TTC33: variants seen among roughly 807,000 people sequenced by gnomAD.
TTC33 encodes tetratricopeptide repeat protein 33.
TTC33 carries 24 observed loss-of-function variants against 29.4 expected under a neutral mutation model. The ratio of observed to expected loss-of-function variants is 0.82; its 90% CI spans 0.59 to 1.15. TTC33 has a LOEUF of 1.15. Among genes scored for constraint, TTC33 ranks in the 50% most tolerant of loss-of-function variants. The pLI is 0.00. For missense variants in TTC33, 286 were observed against 310.4 expected (o/e 0.92, Z 0.59); for synonymous variants, 107 against 100.3 (o/e 1.07, Z -0.40).
rs200959113 is a variant in TTC33 at position 40,732,611 on chromosome 5, A to AT, written c.222-2269dup. Among the ~76,000 whole-genome samples, 327 of 151,212 alleles carry AT rather than the reference A, an allele frequency of 2.2e-3. 1 individual carries two copies. In the East Asian group the frequency reaches 0.026, roughly 12 times the overall value. ...AATGTAGAAGGTACTAATATAACAG[A>AT]TTTTTTTTTAGACAGTCTTGCTCTG... is the stretch of plus-strand genomic sequence containing the variant. On this transcript the variant is annotated intron_variant, in intron 2 of 4. Transcript: ENST00000337702.
chr5:40,716,571 C>T (rs1001946512), intron 4 of TTC33, 73 bp from the exon 5 acceptor site: 28 of 963,878 alleles, frequency 2.9e-5, no homozygotes, highest in African/African-American at 1.3e-4. Context: ...TGTGTGTTTA[C>T]GTACATATAT....
intron 2 of TTC33, among the ~76,000 whole-genome samples, chr5:40,739,932 G>C (rs1014419756): frequency 9.2e-5 from 14 of 151,762 alleles, no homozygotes; most frequent in Non-Finnish European, 2.9e-5. Context: ...TACTACAAAT[G>C]GTGCTTTTTT....
At position 40,715,100 on chromosome 5, in the gene TTC33, TAA is replaced by T. The variant is rs1741972236; in HGVS notation, c.*1043_*1044del. 6.6e-6 allele frequency: 1 copy of T among 152,104 alleles called. No homozygotes were observed. Among genetic ancestry groups the T allele is most frequent in the Admixed American group, 6.5e-5 (1 of 15,268 alleles). The allele number at this position is 152,104 out of a possible 1,614,324, so 9.4% of individuals were successfully genotyped here. ...TTCCAATTTCTATGTATTTTGTGCTTAAGTTATTTATTCATTGGCACTCTAAT... is the reference window on the plus strand; with the variant it reads ...TTCCAATTTCTATGTATTTTGTGCTTGTTATTTATTCATTGGCACTCTAAT... On this transcript the variant is annotated 3_prime_UTR_variant, in exon 5 of 5. Transcript: ENST00000337702.
At chr5:40,738,701 C>T (rs912712383) in intron 2 of TTC33, among the ~76,000 whole-genome samples, 3 of 151,946 alleles carry the variant, frequency 2.0e-5, no homozygotes, top group Admixed American at 6.6e-5. Context: ...CATATCTTTG[C>T]CAACACTTGA....
chr5:40,741,931 G>A (rs1742704148), intron 2 of TTC33, among the ~76,000 whole-genome samples: 1 of 152,142 alleles, frequency 6.6e-6, no homozygotes, highest in African/African-American at 2.4e-5. Context: ...AGAGGTTACA[G>A]TGAGCCGAGA....
chr5:40,738,605 A>AAAATAAAATT (rs1742624287), intron 2 of TTC33, among the ~76,000 whole-genome samples: 5 of 150,798 alleles, frequency 3.3e-5, no homozygotes, highest in South Asian at 2.1e-4. Flanking sequence ...AAAATAAAAT[A>AAAATAAAATT]AAAAAGTGAA....
intron 2 of TTC33, among the ~76,000 whole-genome samples, chr5:40,744,949 C>G (rs555358870): frequency 6.6e-6 from 1 of 152,096 alleles, no homozygotes; most frequent in Non-Finnish European, 1.5e-5. Flanking sequence ...ATGTTACCTA[C>G]GACATATACT....
chr5:40,726,462 CTTTT>C (rs913016790), intron 4 of TTC33, among the ~76,000 whole-genome samples: 1 of 146,402 alleles, frequency 6.8e-6, no homozygotes, highest in African/African-American at 2.5e-5. Flanking sequence ...TTTGAGTCAT[CTTTT>C]TTTTTTACCA....
chr5:40,748,529 G>T (rs1485807627), intron 1 of TTC33, among the ~76,000 whole-genome samples: 1 of 152,058 alleles, frequency 6.6e-6, no homozygotes, highest in African/African-American at 2.4e-5. Flanking sequence ...TGTGATAATG[G>T]TATTGTAATT....
At chr5:40,725,172 A>C (rs1342968070) in intron 4 of TTC33, among the ~76,000 whole-genome samples, 1 of 148,302 alleles carries the variant, frequency 6.7e-6, no homozygotes, top group East Asian at 2.0e-4. Context: ...TTTTTTTGTA[A>C]ATATAGGATC....
At chr5:40,726,774 C>T (rs1374702995) in intron 4 of TTC33, among the ~76,000 whole-genome samples, 2 of 151,930 alleles carry the variant, frequency 1.3e-5, no homozygotes, top group Admixed American at 6.6e-5. Context: ...AGATTTGTTC[C>T]ATTACCATAG....
chr5:40,748,551 A>G (rs948546008), intron 1 of TTC33, among the ~76,000 whole-genome samples: 2 of 152,214 alleles, frequency 1.3e-5, no homozygotes, highest in South Asian at 2.1e-4. Flanking sequence ...TGCTTACAAA[A>G]GGAACCCCTA....
intron 1 of TTC33, among the ~76,000 whole-genome samples, chr5:40,749,722 T>A (rs1742859114): frequency 6.6e-6 from 1 of 152,200 alleles, no homozygotes; most frequent in African/African-American, 2.4e-5. Flanking sequence ...TGCTTTGGTC[T>A]CCCTATGCAT....
At chr5:40,717,775 C>T (rs1033036581) in intron 4 of TTC33, among the ~76,000 whole-genome samples, 4 of 152,162 alleles carry the variant, frequency 2.6e-5, no homozygotes, top group Non-Finnish European at 4.4e-5. Context: ...TAAGATTGCA[C>T]TTAATCGGCC....
intron 1 of TTC33, among the ~76,000 whole-genome samples, chr5:40,751,189 T>C (rs1742888415): frequency 2.0e-5 from 3 of 152,230 alleles, no homozygotes; most frequent in Non-Finnish European, 2.9e-5. Context: ...ATTTCTTCAA[T>C]AGTAAGACTT....
chr5:40,724,606 C>T (rs896824161), intron 4 of TTC33, among the ~76,000 whole-genome samples: 2 of 151,744 alleles, frequency 1.3e-5, no homozygotes, highest in South Asian at 4.1e-4. Context: ...GCACTCCAGC[C>T]TGGGGAACAG....
At position 40,715,179 on chromosome 5, in the gene TTC33, G is replaced by A. The variant is rs918073556; in HGVS notation, c.*966C>T. On this transcript the variant is annotated 3_prime_UTR_variant, in exon 5 of 5. Transcript: ENST00000337702. ...AAGATATAATTAGCTATTTAAAATT[G>A]TAATTATTTTTCATTTCACTGAGTA... The A allele has an allele frequency of 6.6e-6, 1 of 151,892 alleles. No homozygotes were observed. The allele number at this position is 151,892 out of a possible 1,614,324, so 9.4% of individuals were successfully genotyped here.
intron 4 of TTC33, among the ~76,000 whole-genome samples, 183 bp from the exon 5 acceptor site, chr5:40,716,681 A>C (rs1742009289): frequency 6.6e-6 from 1 of 152,204 alleles, no homozygotes; most frequent in Non-Finnish European, 1.5e-5. Flanking sequence ...AAAATTATAG[A>C]AGTGTGAAAG....
intron 1 of TTC33, among the ~76,000 whole-genome samples, chr5:40,751,525 A>G (rs1346978964): frequency 6.6e-6 from 1 of 152,216 alleles, no homozygotes; most frequent in Non-Finnish European, 1.5e-5. Flanking sequence ...ATTGGCTTCA[A>G]TTTAAAGTTC....
Sources: gnomAD v4.1 joint callset for allele counts (sites outside exome capture counted in the v4.1 genomes callset) on GRCh38, gnomAD v4.1.1 for gene constraint, MANE v1.5 for transcripts, NCBI Gene and HGNC (gene_info 2026-07-23, HGNC 2026-07-21) for gene names.